The following PLA2G4F variants were observed in gnomAD, a reference collection of about 807,000 sequenced individuals.
The protein encoded by PLA2G4F is phospholipase A2 group IVF, also known as cytosolic phospholipase A2 zeta.
Under a neutral mutation model 103.1 loss-of-function variants are expected in PLA2G4F, and 105 were observed. That is an observed-to-expected ratio of 1.02 (90% CI 0.87 to 1.20). PLA2G4F has a LOEUF of 1.20. Among genes scored for constraint, PLA2G4F ranks in the 50% most tolerant of loss-of-function variants. The probability of loss-of-function intolerance (pLI) is 0.00; values close to 1 mark genes in which losing one functional copy is unlikely to be tolerated. For missense variants in PLA2G4F, 1,155 were observed against 1,075.9 expected, an observed-to-expected ratio of 1.07 and a Z score of -1.03; for synonymous variants, 468 against 441.1, an observed-to-expected ratio of 1.06 and a Z score of -0.76.
intron 2 of PLA2G4F, 68 bp downstream of exon 2, chr15:42,155,449 G>T: frequency 6.6e-7 from 1 of 1,525,300 alleles, no homozygotes; most frequent in Non-Finnish European, 9.1e-7. Context: ...CTGTTAGCCA[G>T]CCTGAGCTGA....
chr15:42,149,570 T>C (rs1398184100), intron 11 of PLA2G4F, 143 bp downstream of exon 11: 1 of 1,445,650 alleles, frequency 6.9e-7, no homozygotes, highest in African/African-American at 1.4e-5. Flanking sequence ...CCATATGGGG[T>C]CCTAGCTCTG....
In PLA2G4F at chr15:42,147,158, C is replaced by A. The variant is rs1355010107; in HGVS notation, c.1385G>T (p.Trp462Leu). The change falls in exon 13 of 20, where the codon TGG becomes TTG. Residue 462 changes from tryptophan (W) to leucine (L), a missense_variant. By Grantham distance (61) the Trp-to-Leu change is moderately conservative. Transcript: ENST00000397272. ...CAGGAGATACTCAACAAGGAGGCCC[C>A]AGAGGTCGATGAGGGACACGCTGTG... is the stretch of plus-strand genomic sequence containing the variant. ...SGHSVSLIDL[W>L]GLLVEYLLYQ... 1.2e-6 allele frequency: 2 copies of A among 1,612,804 alleles called. No individual in the cohort carries two copies. Among genetic ancestry groups the A allele is most frequent in the Non-Finnish European group, 1.7e-6 (2 of 1,179,932 alleles).
rs143065782 is a variant in PLA2G4F at position 42,147,046 on chromosome 15, G to A, written c.1419+78C>T. On this transcript the variant is annotated intron_variant, in intron 13 of 19. Transcript: ENST00000397272. The stretch of plus-strand genomic sequence containing the variant: ...AGCTTTGTAAATCAGATCTTAGCCT[G>A]AGGGATGAGGCAGAAGCAAGGGGCG... 514 of 1,353,454 alleles carry A rather than the reference G, an allele frequency of 3.8e-4. 1 individual carries two copies. In the African/African-American group the frequency reaches 6.7e-3, roughly 18 times the overall value. 83.8% of individuals were successfully genotyped at this position (1,353,454 alleles called of 1,614,324 possible). A position where few individuals can be genotyped will look rare whatever the true frequency, so the allele number is the denominator to read the frequency against.
At chr15:42,154,010 C>G in intron 4 of PLA2G4F, 82 bp downstream of exon 4, 1 of 1,589,728 alleles carries the variant, frequency 6.3e-7, no homozygotes, top group South Asian at 1.1e-5. Flanking sequence ...TGGCCTGTGC[C>G]GACCAGAGCC....
In PLA2G4F at chr15:42,151,593, AG is replaced by A. The variant is rs549987916; in HGVS notation, c.602-817del. 1,428 of 985,358 alleles carry A rather than the reference AG, an allele frequency of 1.4e-3. 2 individuals are homozygous for A. Among genetic ancestry groups the A allele is most frequent in the Non-Finnish European group, 1.6e-3 (1,364 of 829,916 alleles). The allele number at this position is 985,358 out of a possible 1,614,324, so 61.0% of individuals were successfully genotyped here. A position where few individuals can be genotyped will look rare whatever the true frequency, so the allele number is the denominator to read the frequency against. On this transcript the variant is annotated intron_variant, in intron 7 of 19. Coordinates refer to ENST00000397272, the MANE Select transcript of PLA2G4F (RefSeq NM_213600.4). Reference sequence around the variant, plus strand: ...CACTGAGGGATGAGAGGTCCAGAGGAGTCCCTGCCCTACAGCCCCTCCTTGC... The same window carrying A: ...CACTGAGGGATGAGAGGTCCAGAGGATCCCTGCCCTACAGCCCCTCCTTGC...
In PLA2G4F at chr15:42,144,113, G is replaced by A; in HGVS notation, c.2007C>T (p.Leu669=). The A allele has an allele frequency of 6.2e-7, 1 of 1,613,242 alleles. No homozygotes were observed. The highest frequency in any genetic ancestry group is 8.5e-7 in the Non-Finnish European group (1 of 1,179,706). Residue 669 remains leucine (L), a synonymous_variant, in exon 18 of 20, where the codon CTC becomes CTT. Transcript: ENST00000397272. ...GGTACAGGCAGTCCCGCATGGGGGTGAGCTGGTTGGGGAAGGCGTCCGGGT... is the reference window on the plus strand; with the variant it reads ...GGTACAGGCAGTCCCGCATGGGGGTAAGCTGGTTGGGGAAGGCGTCCGGGT... ...DTHPDAFPNQ[L]TPMRDCLYLV...
In PLA2G4F at chr15:42,156,489, C is replaced by T; in HGVS notation, c.61G>A (p.Val21Met). Residue 21 changes from valine (V) to methionine (M), a missense_variant, in exon 1 of 20, where the codon GTG (valine) becomes ATG (methionine). Physicochemically the swap from Val to Met is conservative, Grantham distance 21 (BLOSUM62 1). This residue lies in a region of PLA2G4F where 370 missense variants were observed against 364.9 expected (regional missense o/e 1.01). Coordinates refer to ENST00000397272, the MANE Select transcript of PLA2G4F (RefSeq NM_213600.4). ...ADKMLPLLGAVLLQKREKRGP... is the reference protein window; with the variant it reads ...ADKMLPLLGAMLLQKREKRGP... ...CTCTTCTCTCTCTTCTGAAGCAGCA[C>T]TGCCCCCAGGAGGGGCAGCATCTTG... 1 of 1,565,228 alleles carries T rather than the reference C, an allele frequency of 6.4e-7. No homozygotes were observed. The highest frequency in any genetic ancestry group is 1.2e-5 in the South Asian group (1 of 85,120).
At chr15:42,155,235 A>G (rs940384305) in intron 2 of PLA2G4F, among the ~76,000 whole-genome samples, 10 of 152,032 alleles carry the variant, frequency 6.6e-5, no homozygotes, top group Non-Finnish European at 1.3e-4. Flanking sequence ...ACTTGCACGC[A>G]TGTATATACA....
intron 11 of PLA2G4F, chr15:42,148,627 A>T: frequency 1.0e-6 from 1 of 985,334 alleles, no homozygotes; most frequent in Non-Finnish European, 1.2e-6. Flanking sequence ...GTTGAGCACC[A>T]CCGAGCTAAA....
At position 42,149,715 on chromosome 15, in the gene PLA2G4F, G is replaced by A. The variant is rs1381532576; in HGVS notation, c.1057C>T (p.Gln353Ter). 1 of 1,614,132 alleles carries A rather than the reference G, an allele frequency of 6.2e-7. No homozygotes were observed. The highest frequency in any genetic ancestry group is 1.7e-5 in the Admixed American group (1 of 60,024). ...CCAGCTCCTCCTCCATTACGTACCT[G>A]GCCACTGTCCAGAGCCTCACTCAAT... ...LGLSEALDSGQVPVVAVLGSG... is the reference protein window; with the variant it reads ...LGLSEALDSG The change falls in exon 11 of 20, where the codon CAG becomes TAG. Residue 353 changes from glutamine (Q) to a stop codon, truncating the protein, a stop_gained and splice_region_variant. Transcript: ENST00000397272. LOFTEE classifies it high-confidence loss of function.
At chr15:42,156,070 T>A (rs1595626788) in intron 1 of PLA2G4F, among the ~76,000 whole-genome samples, 1 of 152,036 alleles carries the variant, frequency 6.6e-6, no homozygotes, top group Non-Finnish European at 1.5e-5. Flanking sequence ...CCGGTACCGG[T>A]CTGACGAGTC....
rs575227209 is a variant in PLA2G4F at position 42,141,708 on chromosome 15, C to T, written c.*276G>A. 3.1e-4 allele frequency: 177 copies of T among 570,564 alleles called. No individual in the cohort carries two copies. The highest frequency in any genetic ancestry group is 1.1e-3 in the Admixed American group (50 of 44,898). The allele number at this position is 570,564 out of a possible 1,614,324, so 35.3% of individuals were successfully genotyped here. A position where few individuals can be genotyped will look rare whatever the true frequency, so the allele number is the denominator to read the frequency against. On this transcript the variant is annotated 3_prime_UTR_variant, in exon 20 of 20. Transcript: ENST00000397272. The stretch of plus-strand genomic sequence containing the variant: ...GGCTCACCTGATTCTCTCCACACCC[C>T]GCTGTGAAATGAGTGCTGTTCTCTT...
Position 42,144,050 on chromosome 15 carries a change from T to G in PLA2G4F, c.2070A>C (p.Pro690=). 1 of 1,614,002 alleles carries G rather than the reference T, an allele frequency of 6.2e-7. No individual in the cohort carries two copies. The highest frequency in any genetic ancestry group is 8.5e-7 in the Non-Finnish European group (1 of 1,179,946). ...DGGFAINSPF[P]LALLPQRAVD... ...CTGCTCTCTGAGGCAGCAGAGCCAG[T>G]GGGAACGGAGAGTTGATGGCAAAGC... Residue 690 remains proline, a synonymous_variant, in exon 18 of 20, where the codon CCA becomes CCC. Transcript: ENST00000397272.
At chr15:42,151,973 C>T (rs1433184960) in intron 7 of PLA2G4F, among the ~76,000 whole-genome samples, 1 of 152,184 alleles carries the variant, frequency 6.6e-6, no homozygotes, top group African/African-American at 2.4e-5. Context: ...CTCAGGGTTC[C>T]CTGGGCAGGA....
rs779812706 is a variant in PLA2G4F at position 42,154,321 on chromosome 15, C to G, written c.321+1G>C. 1.2e-6 allele frequency: 2 copies of G among 1,608,702 alleles called. No individual in the cohort carries two copies. Among genetic ancestry groups the G allele is most frequent in the Non-Finnish European group, 1.7e-6 (2 of 1,176,268 alleles). ...CAGCCTGGCCCCTGGCTGGCCCTCACCTTCACAGCACCATGGATCTGGTAG... is the reference window on the plus strand; with the variant it reads ...CAGCCTGGCCCCTGGCTGGCCCTCAGCTTCACAGCACCATGGATCTGGTAG... On this transcript the variant is annotated splice_donor_variant, in intron 3 of 19. Transcript: ENST00000397272. LOFTEE classifies it high-confidence loss of function.
chr15:42,145,470 G>A, intron 16 of PLA2G4F, 105 bp downstream of exon 16: 2 of 1,169,866 alleles, frequency 1.7e-6, no homozygotes, highest in Non-Finnish European at 2.5e-6. Context: ...CGAATCCAGT[G>A]GGACAGCCAA....
At chr15:42,144,387 C>CA (rs974716394) in intron 17 of PLA2G4F, 63 bp downstream of exon 17, 118 of 1,575,264 alleles carry the variant, frequency 7.5e-5, no homozygotes, top group Non-Finnish European at 9.8e-5. Context: ...GCACTGGCTC[C>CA]AGTGAGCCAG....
chr15:42,154,397 C>T lies in PLA2G4F; in HGVS notation c.246G>A (p.Gln82=). Residue 82 remains glutamine, a synonymous_variant, in exon 3 of 20, where the codon CAG becomes CAA. Transcript: ENST00000397272. The part of the protein sequence containing the change: ...WLPTASPSPA[Q]TRIVANCSDP... Reference sequence around the variant, plus strand: ...CACTGCAGTTGGCCACTATCCTAGTCTGGGCAGGGCTTGGGGACGCCGTGG... The same window carrying T: ...CACTGCAGTTGGCCACTATCCTAGTTTGGGCAGGGCTTGGGGACGCCGTGG... 1 of 1,611,636 alleles carries T rather than the reference C, an allele frequency of 6.2e-7. No individual in the cohort carries two copies. Among genetic ancestry groups the T allele is most frequent in the Non-Finnish European group, 8.5e-7 (1 of 1,178,320 alleles).
At chr15:42,149,639 G>A in intron 11 of PLA2G4F, 74 bp downstream of exon 11, 1 of 1,586,222 alleles carries the variant, frequency 6.3e-7, no homozygotes, top group South Asian at 1.2e-5. Context: ...TCTTAGCCAT[G>A]CTGGTCCTCT....
Sources: gnomAD v4.1 joint callset for allele counts (sites outside exome capture counted in the v4.1 genomes callset) on GRCh38, gnomAD v4.1.1 for gene constraint, gnomAD v4.1.1 regional missense constraint, MANE v1.5 for transcripts, NCBI Gene and HGNC (gene_info 2026-07-23, HGNC 2026-07-21) for gene names.